ARHGAP24: variants seen among roughly 807,000 people sequenced by gnomAD.
The protein encoded by ARHGAP24 is rho GTPase-activating protein 24.
In ARHGAP24, 50 loss-of-function variants were observed where a neutral mutation model predicts 76.4. The ratio of observed to expected loss-of-function variants is 0.65; its 90% CI spans 0.52 to 0.83. The LOEUF (loss-of-function observed/expected upper bound fraction) is 0.83, where lower values mean the gene tolerates loss of function less well. ARHGAP24 is among the 40% of genes least tolerant of loss of function. The probability of loss-of-function intolerance (pLI) is 0.00; values close to 1 mark genes in which losing one functional copy is unlikely to be tolerated. For synonymous variants in ARHGAP24, 345 were observed against 323.3 expected, an observed-to-expected ratio of 1.07 and a Z score of -0.72; for missense variants, 930 against 914.2, an observed-to-expected ratio of 1.02 and a Z score of -0.22.
intron 2 of ARHGAP24, among the ~76,000 whole-genome samples, chr4:85,711,410 G>C (rs1724523026): frequency 6.6e-6 from 1 of 152,020 alleles, no homozygotes; most frequent in South Asian, 2.1e-4. Context: ...AAGTATTAAT[G>C]TTTTTGTGAA....
At position 85,631,765 on chromosome 4, in the gene ARHGAP24, GA is replaced by G. The variant is rs373639919; in HGVS notation, c.180+61052del. On this transcript the variant is annotated intron_variant, in intron 2 of 9. Transcript: ENST00000395184. Reference sequence around the variant, plus strand: ...CTATTGAACAACAGTCTGGGTGAGTGAAAAAAAATTGTGTCATATTTTATGC... The same window carrying G: ...CTATTGAACAACAGTCTGGGTGAGTGAAAAAAATTGTGTCATATTTTATGC... Among the ~76,000 whole-genome samples, 33 of 151,726 alleles carry G rather than the reference GA, an allele frequency of 2.2e-4. No homozygotes were observed. In the East Asian group the frequency reaches 6.2e-3, roughly 29 times the overall value.
chr4:85,643,607 A>G (rs999094623), intron 2 of ARHGAP24, among the ~76,000 whole-genome samples: 1 of 152,024 alleles, frequency 6.6e-6, no homozygotes, highest in African/African-American at 2.4e-5. Context: ...CATACTATAA[A>G]ATTCACTTTT....
intron 5 of ARHGAP24, among the ~76,000 whole-genome samples, chr4:85,966,100 A>G (rs1347623129): frequency 1.3e-5 from 2 of 152,282 alleles, no homozygotes; most frequent in South Asian, 4.1e-4. Context: ...TGGCTTGCAG[A>G]TAACTGTCTC....
At chr4:85,978,821 C>T (rs1739481063) in intron 8 of ARHGAP24, among the ~76,000 whole-genome samples, 1 of 152,088 alleles carries the variant, frequency 6.6e-6, no homozygotes, top group Non-Finnish European at 1.5e-5. Flanking sequence ...TCTTCCTGTG[C>T]CCTGACCCAA....
At position 85,975,031 on chromosome 4, in the gene ARHGAP24, A is replaced by T. The variant is rs956729788; in HGVS notation, c.806+70A>T. ...TTAGCCTGATACTAATTTGTGTTTG[A>T]CAACGAATAAAATCACTCAACTACT... On this transcript the variant is annotated intron_variant, in intron 7 of 9. Transcript: ENST00000395184. 1.1e-5 allele frequency: 15 copies of T among 1,394,660 alleles called. No homozygotes were observed. In the African/African-American group the frequency reaches 1.4e-4, roughly 13 times the overall value. The allele number at this position is 1,394,660 out of a possible 1,614,324, so 86.4% of individuals were successfully genotyped here. A position where few individuals can be genotyped will look rare whatever the true frequency, so the allele number is the denominator to read the frequency against.
intron 1 of ARHGAP24, among the ~76,000 whole-genome samples, chr4:85,565,381 C>A (rs549276943): frequency 2.2e-4 from 33 of 152,236 alleles, no homozygotes; most frequent in African/African-American, 7.7e-4. Flanking sequence ...CAGTATTTTA[C>A]CAACATTGCC....
chr4:85,616,436 AT>A (rs1185434400), intron 2 of ARHGAP24, among the ~76,000 whole-genome samples: 1 of 152,214 alleles, frequency 6.6e-6, no homozygotes, highest in Admixed American at 6.5e-5. Flanking sequence ...TATTTATAAT[AT>A]TTTAGACACT....
chr4:85,985,302 A>G (rs1020755094), intron 8 of ARHGAP24, among the ~76,000 whole-genome samples: 1 of 152,236 alleles, frequency 6.6e-6, no homozygotes, highest in Non-Finnish European at 1.5e-5. Context: ...CTGTGTAGCC[A>G]TAAAAATGAA....
intron 3 of ARHGAP24, among the ~76,000 whole-genome samples, chr4:85,899,898 AG>A (rs1560705420): frequency 6.6e-6 from 1 of 152,236 alleles, no homozygotes; most frequent in Non-Finnish European, 1.5e-5. Flanking sequence ...AAAAGTAAAA[AG>A]TAATTCATAT....
chr4:85,964,754 G>T (rs2665876), intron 5 of ARHGAP24, among the ~76,000 whole-genome samples: 1 of 151,946 alleles, frequency 6.6e-6, no homozygotes, highest in African/African-American at 2.4e-5. Context: ...GCACCAAACT[G>T]GGATTGCTCA....
intron 5 of ARHGAP24, among the ~76,000 whole-genome samples, chr4:85,971,474 T>A (rs1738980786): frequency 6.6e-6 from 1 of 152,090 alleles, no homozygotes; most frequent in African/African-American, 2.4e-5. Context: ...GTTCTTTAAT[T>A]TTTTTTATTT....
chr4:85,864,777 C>T (rs184533485), intron 3 of ARHGAP24, among the ~76,000 whole-genome samples: 3 of 152,102 alleles, frequency 2.0e-5, no homozygotes, highest in East Asian at 1.9e-4. Context: ...TATGGAAATA[C>T]GGACCAGTTA....
chr4:85,697,695 G>C (rs1723921178), intron 2 of ARHGAP24, among the ~76,000 whole-genome samples: 1 of 152,096 alleles, frequency 6.6e-6, no homozygotes, highest in Non-Finnish European at 1.5e-5. Context: ...AAGTGAAGAA[G>C]GTAGAGGCTG....
At position 85,652,346 on chromosome 4, in the gene ARHGAP24, G is replaced by A. The variant is rs532387319; in HGVS notation, c.181-69539G>A. On this transcript the variant is annotated intron_variant, in intron 2 of 9. Coordinates refer to ENST00000395184, the MANE Select transcript of ARHGAP24 (RefSeq NM_001025616.3). ...CTCACAATATTACTTTACTGACTCCGTCTATGAAATGGAGTATAATTCAGA... is the reference window on the plus strand; with the variant it reads ...CTCACAATATTACTTTACTGACTCCATCTATGAAATGGAGTATAATTCAGA... 4.7e-4 allele frequency among the ~76,000 whole-genome samples: 71 copies of A among 152,216 alleles called. No individual in the cohort carries two copies. The East Asian group carries it at 0.012, about 26-fold the overall frequency.
intron 2 of ARHGAP24, among the ~76,000 whole-genome samples, chr4:85,665,466 C>A (rs192211989): frequency 6.6e-6 from 1 of 152,276 alleles, no homozygotes; most frequent in African/African-American, 2.4e-5. Flanking sequence ...GACTCCTTAT[C>A]CAATTTGCCA....
intron 2 of ARHGAP24, among the ~76,000 whole-genome samples, chr4:85,590,516 C>A (rs28607329): frequency 8.9e-4 from 135 of 151,852 alleles, no homozygotes; most frequent in African/African-American, 3.1e-3. Context: ...CATGCCACCA[C>A]GCCTAGTTAA....
intron 9 of ARHGAP24, among the ~76,000 whole-genome samples, chr4:85,999,620 G>A (rs1021857095): frequency 2.6e-5 from 4 of 152,108 alleles, no homozygotes; most frequent in Admixed American, 1.3e-4. Context: ...AAAGTCAGCC[G>A]AGGCCAAGAT....
At chr4:85,820,898 G>C (rs1729439933) in intron 3 of ARHGAP24, among the ~76,000 whole-genome samples, 1 of 152,014 alleles carries the variant, frequency 6.6e-6, no homozygotes, top group African/African-American at 2.4e-5. Context: ...CTTTCAAATA[G>C]AGAAATGTAT....
At chr4:85,734,006 TCTGA>T (rs1296637427) in intron 3 of ARHGAP24, among the ~76,000 whole-genome samples, 5 of 152,198 alleles carry the variant, frequency 3.3e-5, no homozygotes, top group Non-Finnish European at 5.9e-5. Flanking sequence ...CCCTCATGTT[TCTGA>T]CTGACTGTTT....
Sources: gnomAD v4.1 joint callset for allele counts (sites outside exome capture counted in the v4.1 genomes callset) on GRCh38, gnomAD v4.1.1 for gene constraint, MANE v1.5 for transcripts, NCBI Gene and HGNC (gene_info 2026-07-23, HGNC 2026-07-21) for gene names.